GRM8: variants seen among roughly 807,000 people sequenced by gnomAD.
GRM8 encodes the protein metabotropic glutamate receptor 8.
Under a neutral mutation model 87.2 loss-of-function variants are expected in GRM8, and 47 were observed. The ratio of observed to expected loss-of-function variants is 0.54; its 90% CI spans 0.43 to 0.69. The LOEUF (loss-of-function observed/expected upper bound fraction) is 0.69, where lower values mean the gene tolerates loss of function less well. Among genes scored for constraint, GRM8 ranks in the 30% least tolerant of loss-of-function variants. GRM8 has a pLI of 0.00. For synonymous variants in GRM8, 396 were observed against 404.5 expected, an observed-to-expected ratio of 0.98 and a Z score of 0.25; for missense variants, 1,019 against 1,139.2, an observed-to-expected ratio of 0.89 and a Z score of 1.52.
intron 2 of GRM8, among the ~76,000 whole-genome samples, chr7:127,152,587 T>C (rs1792463811): frequency 6.6e-6 from 1 of 152,174 alleles, no homozygotes. Context: ...GCTAATCTCA[T>C]TTCAGTTTAT....
intron 3 of GRM8, among the ~76,000 whole-genome samples, chr7:127,098,487 T>A (rs12113542): frequency 1.3e-5 from 2 of 152,072 alleles, no homozygotes; most frequent in African/African-American, 4.8e-5. Context: ...ATTTTAAAAC[T>A]GTACTAAGAT....
chr7:126,798,034 G>A (rs1822170213), intron 6 of GRM8, among the ~76,000 whole-genome samples: 1 of 152,056 alleles, frequency 6.6e-6, no homozygotes, highest in African/African-American at 2.4e-5. Flanking sequence ...CTAAGAGAAG[G>A]GCCAAATGAC....
intron 3 of GRM8, among the ~76,000 whole-genome samples, chr7:126,907,664 A>G (rs1802859977): frequency 6.6e-6 from 1 of 152,126 alleles, no homozygotes; most frequent in South Asian, 2.1e-4. Context: ...TTCTCACTAA[A>G]TGTTTCTATT....
intron 2 of GRM8, among the ~76,000 whole-genome samples, chr7:127,157,151 G>A (rs970088103): frequency 2.6e-4 from 40 of 151,488 alleles, no homozygotes; most frequent in African/African-American, 9.7e-4. Context: ...AGAAGGAAGA[G>A]AGGAAGGGAG....
At chr7:126,847,764 A>T (rs1477435766) in intron 6 of GRM8, among the ~76,000 whole-genome samples, 2 of 152,186 alleles carry the variant, frequency 1.3e-5, no homozygotes, top group Non-Finnish European at 2.9e-5. Flanking sequence ...TTTTGATCAC[A>T]AGCCTTCCCA....
Position 127,106,493 on chromosome 7 carries a change from T to C in GRM8, c.727+3A>G. ...TACAATCATCTGATAAATATATGCT[T>C]ACCAATCTCCCTCGAGATCTGGGTG... On this transcript the variant is annotated splice_donor_region_variant and intron_variant, in intron 3 of 10. Coordinates refer to ENST00000339582, the MANE Select transcript of GRM8 (RefSeq NM_000845.3). 6.2e-7 allele frequency: 1 copy of C among 1,608,310 alleles called. No homozygotes were observed. The highest frequency in any genetic ancestry group is 8.5e-7 in the Non-Finnish European group (1 of 1,174,966).
intron 3 of GRM8, among the ~76,000 whole-genome samples, chr7:127,000,309 C>A (rs17867729): frequency 0.095 from 14,331 of 151,406 alleles, 805 homozygotes; most frequent in East Asian, 0.21. Flanking sequence ...TAATTAGAAA[C>A]AATGAATAAG....
At chr7:126,821,411 GTT>G (rs1477416540) in intron 6 of GRM8, among the ~76,000 whole-genome samples, 1 of 152,100 alleles carries the variant, frequency 6.6e-6, no homozygotes, top group African/African-American at 2.4e-5. Flanking sequence ...CCCCTGTCAT[GTT>G]TCCCTTTCTG....
chr7:126,863,430 T>G (rs1798308024), intron 6 of GRM8, among the ~76,000 whole-genome samples: 2 of 152,154 alleles, frequency 1.3e-5, no homozygotes, highest in Non-Finnish European at 2.9e-5. Context: ...TTGTTAAAGC[T>G]CACAAACGCA....
At chr7:126,446,960 G>T (rs1053213556) in intron 9 of GRM8, among the ~76,000 whole-genome samples, 15 of 151,740 alleles carry the variant, frequency 9.9e-5, no homozygotes. Flanking sequence ...CTTCCAGAAG[G>T]TTCTCAGTGA....
chr7:127,015,194 A>C (rs868666875), intron 3 of GRM8, among the ~76,000 whole-genome samples: 1 of 66,226 alleles, frequency 1.5e-5, no homozygotes, highest in South Asian at 6.1e-4. Context: ...GAAGAAGAAG[A>C]AGAAGAAGAA....
At chr7:126,729,697 G>A (rs1188356252) in intron 7 of GRM8, among the ~76,000 whole-genome samples, 1 of 152,158 alleles carries the variant, frequency 6.6e-6, no homozygotes, top group Non-Finnish European at 1.5e-5. Context: ...TGATTACCTT[G>A]TGTCACCTAT....
intron 7 of GRM8, among the ~76,000 whole-genome samples, chr7:126,677,404 A>G (rs965516359): frequency 2.6e-5 from 4 of 151,972 alleles, no homozygotes; most frequent in Non-Finnish European, 4.4e-5. Flanking sequence ...CTGCACGCAT[A>G]TAGTTATCAC....
Position 126,990,728 on chromosome 7 carries a change from T to C in GRM8, c.728-86045A>G, listed in dbSNP as rs1812578416. On this transcript the variant is annotated intron_variant, in intron 3 of 10. Coordinates refer to ENST00000339582, the MANE Select transcript of GRM8 (RefSeq NM_000845.3). The stretch of plus-strand genomic sequence containing the variant: ...TTTCTCATCTGTAAATGGGCATAAG[T>C]GAAATTGCTACAATAGCATTGTTGT... Among the ~76,000 whole-genome samples the C allele has an allele frequency of 2.0e-5, 3 of 152,206 alleles. No individual in the cohort carries two copies. The South Asian group carries it at 6.2e-4, about 31-fold the overall frequency.
chr7:127,218,144 T>C (rs1796688859), intron 2 of GRM8, among the ~76,000 whole-genome samples: 1 of 152,244 alleles, frequency 6.6e-6, no homozygotes, highest in Non-Finnish European at 1.5e-5. Flanking sequence ...CTTCGCTCTG[T>C]TCCAGGATAA....
chr7:126,774,382 T>G (rs1363809978), intron 6 of GRM8, among the ~76,000 whole-genome samples: 1 of 152,178 alleles, frequency 6.6e-6, no homozygotes, highest in Non-Finnish European at 1.5e-5. Flanking sequence ...GTTTCTAAAG[T>G]TAGTGTTAAC....
At chr7:126,501,109 T>A (rs1268188056) in intron 9 of GRM8, among the ~76,000 whole-genome samples, 1 of 152,056 alleles carries the variant, frequency 6.6e-6, no homozygotes, top group African/African-American at 2.4e-5. Context: ...ATTTTATGAG[T>A]GTATTTCCAA....
intron 6 of GRM8, among the ~76,000 whole-genome samples, chr7:126,863,437 C>T (rs749023010): frequency 7.4e-4 from 112 of 152,110 alleles, no homozygotes; most frequent in Non-Finnish European, 1.4e-3. Flanking sequence ...AGCTCACAAA[C>T]GCACAAGGTA....
At chr7:126,502,801 T>C (rs1332574848) in intron 9 of GRM8, among the ~76,000 whole-genome samples, 1 of 152,042 alleles carries the variant, frequency 6.6e-6, no homozygotes, top group South Asian at 2.1e-4. Flanking sequence ...GGGTGTCCAA[T>C]ATGGACTCAG....
Sources: gnomAD v4.1 joint callset for allele counts (sites outside exome capture counted in the v4.1 genomes callset) on GRCh38, gnomAD v4.1.1 for gene constraint, MANE v1.5 for transcripts, NCBI Gene and HGNC (gene_info 2026-07-23, HGNC 2026-07-21) for gene names.